GUCY1A2: variants seen among roughly 807,000 people sequenced by gnomAD.
The protein encoded by GUCY1A2 is guanylate cyclase soluble subunit alpha-2.
A neutral mutation model predicts 63.5 loss-of-function variants in GUCY1A2; 27 were observed. The ratio of observed to expected loss-of-function variants is 0.43; its 90% CI spans 0.31 to 0.59. GUCY1A2 has a LOEUF of 0.59. Ranked by LOEUF, GUCY1A2 falls within the 20% of genes least tolerant of loss-of-function variation. The pLI is 0.11. For synonymous variants in GUCY1A2, 364 were observed against 343.5 expected, an observed-to-expected ratio of 1.06 and a Z score of -0.66; for missense variants, 768 against 913.3, an observed-to-expected ratio of 0.84 and a Z score of 2.05.
At chr11:106,809,729 A>G (rs954901047) in intron 5 of GUCY1A2, among the ~76,000 whole-genome samples, 1 of 152,134 alleles carries the variant, frequency 6.6e-6, no homozygotes, top group African/African-American at 2.4e-5. Flanking sequence ...TAATTTTTTA[A>G]TAAAAATAAA....
At chr11:106,959,072 G>C (rs1861026826) in intron 3 of GUCY1A2, among the ~76,000 whole-genome samples, 1 of 152,148 alleles carries the variant, frequency 6.6e-6, no homozygotes, top group African/African-American at 2.4e-5. Context: ...AGCATGCCAA[G>C]CGGAGCAACT....
chr11:106,934,526 G>A (rs1445568798), intron 4 of GUCY1A2, among the ~76,000 whole-genome samples: 1 of 152,018 alleles, frequency 6.6e-6, no homozygotes, highest in Non-Finnish European at 1.5e-5. Context: ...AGAAAAAGGT[G>A]GGCAACTGTC....
chr11:106,937,276 C>T (rs1428946383), intron 4 of GUCY1A2, among the ~76,000 whole-genome samples: 1 of 152,178 alleles, frequency 6.6e-6, no homozygotes, highest in Non-Finnish European at 1.5e-5. Context: ...TCAATGAGCA[C>T]AGTTCCTTAT....
At chr11:106,955,083 C>T (rs1169779238) in intron 3 of GUCY1A2, among the ~76,000 whole-genome samples, 3 of 152,072 alleles carry the variant, frequency 2.0e-5, no homozygotes, top group African/African-American at 7.2e-5. Flanking sequence ...AGCAATTCTC[C>T]TACCTCAGCC....
intron 1 of GUCY1A2, among the ~76,000 whole-genome samples, chr11:107,009,826 A>G (rs142080866): frequency 6.6e-6 from 1 of 152,336 alleles, no homozygotes; most frequent in African/African-American, 2.4e-5. Flanking sequence ...AAATCAGCCC[A>G]TAGAGCTCAC....
Position 106,916,168 on chromosome 11 carries a change from ATAAGCATAAAGTACTTTTTGGTTAAATAG to A in GUCY1A2, c.1206+23263_1206+23291del, listed in dbSNP as rs1860367199. 1.4e-5 allele frequency among the ~76,000 whole-genome samples: 2 copies of A among 145,884 alleles called. 1 individual carries two copies. The highest frequency in any genetic ancestry group is 4.7e-4 in the South Asian group (2 of 4,224). ...AAAAGATTTAGTTGACAATTTAGTCATAAGCATAAAGTACTTTTTGGTTAAATAGTAAGACTACTTTGAGAATCATAAAT... is the reference window on the plus strand; with the variant it reads ...AAAAGATTTAGTTGACAATTTAGTCATAAGACTACTTTGAGAATCATAAAT... On this transcript the variant is annotated intron_variant, in intron 4 of 7. Transcript: ENST00000526355.
intron 4 of GUCY1A2, among the ~76,000 whole-genome samples, chr11:106,840,479 C>G (rs1273167263): frequency 6.6e-6 from 1 of 151,864 alleles, no homozygotes. Flanking sequence ...TGTGATTTAC[C>G]TTCTCCAGAA....
At chr11:106,912,772 G>C (rs1038677676) in intron 4 of GUCY1A2, among the ~76,000 whole-genome samples, 5 of 152,066 alleles carry the variant, frequency 3.3e-5, no homozygotes, top group Non-Finnish European at 7.4e-5. Flanking sequence ...TGTATAAAAA[G>C]AAAATTGTTA....
At chr11:106,709,377 ATATATT>A (rs1862998692) in intron 6 of GUCY1A2, among the ~76,000 whole-genome samples, 1 of 98,898 alleles carries the variant, frequency 1.0e-5, no homozygotes, top group African/African-American at 4.2e-5. Flanking sequence ...TATAAATTAT[ATATATT>A]ATATATTATA....
chr11:106,909,550 A>T (rs1860263922), intron 4 of GUCY1A2, among the ~76,000 whole-genome samples: 1 of 151,866 alleles, frequency 6.6e-6, no homozygotes, highest in South Asian at 2.1e-4. Context: ...AACCCATGGC[A>T]ACCACTAACC....
intron 6 of GUCY1A2, among the ~76,000 whole-genome samples, chr11:106,708,903 TTA>T (rs932865780): frequency 2.6e-5 from 4 of 151,552 alleles, no homozygotes; most frequent in Non-Finnish European, 4.4e-5. Context: ...ATGAAAAAAT[TTA>T]TGTTTAATTT....
rs2119977394 is a variant in GUCY1A2, at chr11:106,940,078, C to G, written c.588G>C (p.Leu196Phe). 1.2e-6 allele frequency: 2 copies of G among 1,613,334 alleles called. No individual in the cohort carries two copies. The highest frequency in any genetic ancestry group is 2.2e-5 in the East Asian group (1 of 44,882). ...ERVLRAVGGTLQDFFNGFDAL... is the reference protein window; with the variant it reads ...ERVLRAVGGTFQDFFNGFDAL... ...CATCAAAGCCGTTAAAAAAGTCCTG[C>G]AAAGTGCCACCTACAGCTCGAAGGA... The change falls in exon 4 of 8, where the codon TTG becomes TTC. Residue 196 changes from leucine to phenylalanine, a missense_variant. Transcript: ENST00000526355.
chr11:106,848,181 A>G (rs1253170512), intron 4 of GUCY1A2, among the ~76,000 whole-genome samples: 1 of 151,642 alleles, frequency 6.6e-6, no homozygotes, highest in African/African-American at 2.4e-5. Context: ...CATGTTGTTC[A>G]ATTTTTATTT....
At chr11:106,766,227 T>C (rs1052267482) in intron 6 of GUCY1A2, among the ~76,000 whole-genome samples, 1 of 152,072 alleles carries the variant, frequency 6.6e-6, no homozygotes, top group Admixed American at 6.6e-5. Context: ...AAAAATTCAA[T>C]TGTAGGAACA....
chr11:106,814,731 A>G lies in GUCY1A2; in HGVS notation c.1207-4253T>C, dbSNP rs1257527101. Among the ~76,000 whole-genome samples the G allele has an allele frequency of 7.2e-5, 11 of 152,198 alleles. No homozygotes were observed. In the East Asian group the frequency reaches 9.7e-4, roughly 13 times the overall value. On this transcript the variant is annotated intron_variant, in intron 4 of 7. Coordinates refer to ENST00000526355, the MANE Select transcript of GUCY1A2 (RefSeq NM_000855.3). ...TAGCACCACATAACCTCTGAAAATT[A>G]CACAGTCATTGCAACTAAAACCCAC...
chr11:107,007,091 C>T (rs183265196), intron 1 of GUCY1A2, among the ~76,000 whole-genome samples: 1 of 152,006 alleles, frequency 6.6e-6, no homozygotes, highest in Non-Finnish European at 1.5e-5. Flanking sequence ...CCAAGAAAAC[C>T]GTACAGTATA....
intron 1 of GUCY1A2, among the ~76,000 whole-genome samples, chr11:107,017,042 AATTT>A (rs201218810): frequency 0.02 from 2,964 of 151,978 alleles, 92 homozygotes; most frequent in African/African-American, 0.065. Flanking sequence ...AATTAAATTT[AATTT>A]AAAAAAAAAG....
At chr11:106,878,648 G>C (rs894111609) in intron 4 of GUCY1A2, among the ~76,000 whole-genome samples, 2 of 151,900 alleles carry the variant, frequency 1.3e-5, no homozygotes, top group African/African-American at 2.4e-5. Flanking sequence ...TGGGAAGAGG[G>C]AGAGGATCTG....
intron 4 of GUCY1A2, among the ~76,000 whole-genome samples, chr11:106,839,578 T>C (rs999725051): frequency 4.6e-5 from 7 of 151,918 alleles, no homozygotes; most frequent in Non-Finnish European, 1.0e-4. Context: ...ATTGCGGCAC[T>C]ACTCACAATA....
Sources: gnomAD v4.1 joint callset for allele counts (sites outside exome capture counted in the v4.1 genomes callset) on GRCh38, gnomAD v4.1.1 for gene constraint, MANE v1.5 for transcripts, NCBI Gene and HGNC (gene_info 2026-07-23, HGNC 2026-07-21) for gene names.